The following DCAF10 variants were observed in gnomAD, a reference collection of about 807,000 sequenced individuals.
The protein encoded by DCAF10 is DDB1- and CUL4-associated factor 10.
DCAF10 carries 19 observed loss-of-function variants against 51.9 expected under a neutral mutation model. The observed-to-expected ratio is 0.37, with a 90% CI of 0.26 to 0.54. The LOEUF (loss-of-function observed/expected upper bound fraction) is 0.54, where lower values mean the gene tolerates loss of function less well. DCAF10 is among the 20% of genes least tolerant of loss of function. DCAF10 has a pLI of 0.87. For missense variants in DCAF10, 510 were observed against 730.6 expected (o/e 0.70, Z 3.48); for synonymous variants, 291 against 297.1 (o/e 0.98, Z 0.21).
intron 1 of DCAF10, among the ~76,000 whole-genome samples, chr9:37,813,150 G>T (rs930863828): frequency 2.0e-5 from 3 of 152,148 alleles, no homozygotes; most frequent in African/African-American, 7.2e-5. Context: ...GCCCAGGCTG[G>T]AGTTCATTGG....
intron 1 of DCAF10, among the ~76,000 whole-genome samples, chr9:37,804,064 T>G (rs1442091900): frequency 6.6e-6 from 1 of 152,114 alleles, no homozygotes; most frequent in East Asian, 1.9e-4. Context: ...CCTGTCAAAC[T>G]GTCCTCCATG....
At chr9:37,835,207 G>A (rs969230903) in intron 2 of DCAF10, among the ~76,000 whole-genome samples, 1 of 152,098 alleles carries the variant, frequency 6.6e-6, no homozygotes, top group African/African-American at 2.4e-5. Flanking sequence ...GGTCGAAGTG[G>A]GCAGATCAGT....
At chr9:37,836,049 G>T (rs1388303557) in intron 2 of DCAF10, 4 of 1,105,008 alleles carry the variant, frequency 3.6e-6, no homozygotes, top group African/African-American at 3.1e-5. Context: ...CCACGGTAAG[G>T]CTGTATTGGA....
At chr9:37,814,111 TATATATATATATATA>T (rs1371919409) in intron 1 of DCAF10, among the ~76,000 whole-genome samples, 1,705 of 94,294 alleles carry the variant, frequency 0.018, 21 homozygotes, top group African/African-American at 0.027. Context: ...TATATATATA[TATATATATATATATA>T]TTTGTTGTTG....
chr9:37,841,297 T>C (rs1364652398), intron 2 of DCAF10, among the ~76,000 whole-genome samples: 2 of 152,200 alleles, frequency 1.3e-5, no homozygotes, highest in African/African-American at 2.4e-5. Flanking sequence ...AAATTTATCT[T>C]AGAAGAAGCA....
At chr9:37,857,196 CAG>C (rs1391015938) in intron 4 of DCAF10, 43 bp from the exon 5 acceptor site, 1 of 1,437,822 alleles carries the variant, frequency 7.0e-7, no homozygotes, top group African/African-American at 1.4e-5. Flanking sequence ...GAGCCACTAC[CAG>C]AGTTATGCTA....
intron 1 of DCAF10, among the ~76,000 whole-genome samples, chr9:37,817,743 A>G (rs1325166820): frequency 4.6e-5 from 7 of 152,170 alleles, no homozygotes; most frequent in Non-Finnish European, 8.8e-5. Flanking sequence ...TCCACCAAAA[A>G]AAAAAGTCTC....
rs1159902050 is a variant in DCAF10, at chr9:37,866,976, A to G, written c.*5468A>G. On this transcript the variant is annotated 3_prime_UTR_variant, in exon 7 of 7. Coordinates refer to ENST00000377724, the MANE Select transcript of DCAF10 (RefSeq NM_024345.5). ...CAATAACCATTAAAACATAGGCTTA[A>G]ATTATCACGTATTGTTACAAAGACA... 1 of 152,244 alleles carries G rather than the reference A, an allele frequency of 6.6e-6. No homozygotes were observed. Among genetic ancestry groups the G allele is most frequent in the Admixed American group, 6.5e-5 (1 of 15,272 alleles). The allele number at this position is 152,244 out of a possible 1,614,324, so 9.4% of individuals were successfully genotyped here.
intron 1 of DCAF10, among the ~76,000 whole-genome samples, chr9:37,806,623 C>T (rs578039695): frequency 6.6e-6 from 1 of 152,338 alleles, no homozygotes; most frequent in Admixed American, 6.5e-5. Flanking sequence ...TATTAATTCT[C>T]TTGGCACAGT....
In DCAF10 at chr9:37,801,728, G is replaced by A. The variant is rs1221977674; in HGVS notation, c.539+323G>A. 2.0e-5 allele frequency among the ~76,000 whole-genome samples: 3 copies of A among 152,240 alleles called. No homozygotes were observed. The highest frequency in any genetic ancestry group is 4.8e-5 in the African/African-American group (2 of 41,466). The stretch of plus-strand genomic sequence containing the variant: ...CTTTCTGGTACACAGTAGGTGCTCA[G>A]TAAATACATTTTGAATAAATGCCCG... On this transcript the variant is annotated intron_variant, in intron 1 of 6. Coordinates refer to ENST00000377724, the MANE Select transcript of DCAF10 (RefSeq NM_024345.5). This position sits in a 1 kb window ranked among gnomAD's most constrained non-coding sequence, Gnocchi z 5.5.
At chr9:37,824,566 A>T (rs1297559096) in intron 2 of DCAF10, among the ~76,000 whole-genome samples, 1 of 150,810 alleles carries the variant, frequency 6.6e-6, no homozygotes, top group Non-Finnish European at 1.5e-5. Context: ...AAAAAAAAAA[A>T]TTTAAATGAA....
intron 3 of DCAF10, among the ~76,000 whole-genome samples, chr9:37,849,710 G>T: frequency 6.6e-6 from 1 of 152,212 alleles, no homozygotes; most frequent in East Asian, 1.9e-4. Flanking sequence ...GTGAAACCCC[G>T]TGTCTACTAA....
At chr9:37,817,329 G>C (rs1366320497) in intron 1 of DCAF10, among the ~76,000 whole-genome samples, 3 of 152,206 alleles carry the variant, frequency 2.0e-5, no homozygotes, top group Admixed American at 1.3e-4. Flanking sequence ...GGTTGGCTTT[G>C]TGTGGTGGCT....
chr9:37,815,633 A>AAAACTCTAGG (rs1188916485), intron 1 of DCAF10, among the ~76,000 whole-genome samples: 85 of 151,642 alleles, frequency 5.6e-4, no homozygotes, highest in African/African-American at 2.0e-3. Flanking sequence ...CAACAAGCGC[A>AAAACTCTAGG]AAACTCTGTC....
rs1831051582 is a variant in DCAF10, at chr9:37,862,844, A to G, written c.*1336A>G. ...ATTCTCTTTAGGCCACTGGTTCTCA[A>G]ACATTAGGGTGCACTGTAACCATTA... On this transcript the variant is annotated 3_prime_UTR_variant, in exon 7 of 7. Transcript: ENST00000377724. 1 of 152,204 alleles carries G rather than the reference A, an allele frequency of 6.6e-6. No homozygotes were observed. Among genetic ancestry groups the G allele is most frequent in the East Asian group, 1.9e-4 (1 of 5,196 alleles). 9.4% of individuals were successfully genotyped at this position (152,204 alleles called of 1,614,324 possible). A position where few individuals can be genotyped will look rare whatever the true frequency, so the allele number is the denominator to read the frequency against.
chr9:37,815,071 A>C (rs1829485720), intron 1 of DCAF10, among the ~76,000 whole-genome samples: 1 of 152,226 alleles, frequency 6.6e-6, no homozygotes, highest in African/African-American at 2.4e-5. Context: ...TAAAGGAAAA[A>C]TATAGGAATA....
Position 37,847,338 on chromosome 9 carries a change from T to G in DCAF10, c.851+5052T>G, listed in dbSNP as rs979577922. On this transcript the variant is annotated intron_variant, in intron 3 of 6. Coordinates refer to ENST00000377724, the MANE Select transcript of DCAF10 (RefSeq NM_024345.5). ...GATGGAAAAATCCTCAACAAAATATTAGCAAATCTAACAATATATATAAAC... is the reference window on the plus strand; with the variant it reads ...GATGGAAAAATCCTCAACAAAATATGAGCAAATCTAACAATATATATAAAC... 4.7e-5 allele frequency among the ~76,000 whole-genome samples: 7 copies of G among 149,974 alleles called. 1 individual carries two copies. The South Asian group carries it at 1.5e-3, about 32-fold the overall frequency.
Position 37,801,343 on chromosome 9 carries a change from C to T in DCAF10, c.477C>T (p.Asp159=). Reference sequence around the variant, plus strand: ...TCTACGGTTCCATCCACCCCGCGGACTCGGTGTACCTCAGCACCCGCACCC... The same window carrying T: ...TCTACGGTTCCATCCACCCCGCGGATTCGGTGTACCTCAGCACCCGCACCC... ...TSLYGSIHPA[D]SVYLSTRTHG... The change falls in exon 1 of 7, where the codon GAC becomes GAT. Residue 159 remains aspartate (D), a synonymous_variant. Transcript: ENST00000377724. The surrounding 1 kb of genome is among the most constrained non-coding windows in gnomAD (Gnocchi z 5.5). The T allele has an allele frequency of 6.3e-7, 1 of 1,578,878 alleles. No homozygotes were observed. The highest frequency in any genetic ancestry group is 8.6e-7 in the Non-Finnish European group (1 of 1,165,730).
intron 1 of DCAF10, among the ~76,000 whole-genome samples, chr9:37,802,192 G>C (rs1372270460): frequency 6.6e-6 from 1 of 152,094 alleles, no homozygotes; most frequent in Non-Finnish European, 1.5e-5. Context: ...CTCATTCGGC[G>C]TATATTTGTT....
Sources: allele counts gnomAD v4.1 joint callset (sites outside exome capture counted in the v4.1 genomes callset), GRCh38; gene constraint gnomAD v4.1.1; non-coding constraint Gnocchi (gnomAD v3.1); transcripts MANE v1.5; gene names NCBI Gene and HGNC (gene_info 2026-07-23, HGNC 2026-07-21).